The following SLC9C1 variants were observed in gnomAD, a reference collection of about 807,000 sequenced individuals.
SLC9C1 encodes the protein solute carrier family 9 member C1, also known as sodium/hydrogen exchanger 10.
A neutral mutation model predicts 140.9 loss-of-function variants in SLC9C1; 97 were observed. The ratio of observed to expected loss-of-function variants is 0.69; its 90% CI spans 0.58 to 0.82. SLC9C1 has a LOEUF of 0.82. Ranked by LOEUF, SLC9C1 falls within the 40% of genes least tolerant of loss-of-function variation. SLC9C1 has a pLI of 0.00. For missense variants in SLC9C1, 1,340 were observed against 1,389.3 expected, an observed-to-expected ratio of 0.96 and a Z score of 0.56; for synonymous variants, 440 against 442.6, an observed-to-expected ratio of 0.99 and a Z score of 0.07.
At chr3:112,285,362 C>T (rs570399277) in intron 2 of SLC9C1, among the ~76,000 whole-genome samples, 2 of 152,250 alleles carry the variant, frequency 1.3e-5, no homozygotes, top group Admixed American at 1.3e-4. Context: ...CCTCAGTCCC[C>T]CAAGTAGCTG....
At chr3:112,190,029 CTGTT>C (rs1423952839) in intron 20 of SLC9C1, among the ~76,000 whole-genome samples, 2 of 152,148 alleles carry the variant, frequency 1.3e-5, no homozygotes, top group South Asian at 2.1e-4. Context: ...ATTTGGCTCT[CTGTT>C]TGTCTGTTAT....
intron 6 of SLC9C1, among the ~76,000 whole-genome samples, chr3:112,274,301 T>A (rs1358426573): frequency 2.6e-5 from 4 of 152,074 alleles, no homozygotes; most frequent in Non-Finnish European, 5.9e-5. Context: ...TATTATAATA[T>A]ACATATATCA....
At chr3:112,185,225 G>A (rs1006029037) in intron 20 of SLC9C1, among the ~76,000 whole-genome samples, 2 of 151,528 alleles carry the variant, frequency 1.3e-5, no homozygotes, top group Non-Finnish European at 2.9e-5. Context: ...GACAGGCAAG[G>A]CCTTAAGTCC....
intron 4 of SLC9C1, 143 bp downstream of exon 4, chr3:112,278,586 C>G (rs2080277229): frequency 1.2e-6 from 1 of 821,522 alleles, no homozygotes; most frequent in East Asian, 3.2e-5. Context: ...GGCTTATTCA[C>G]TAAATGATGA....
Position 112,277,863 on chromosome 3 carries a change from G to A in SLC9C1, c.319-3C>T. On this transcript the variant is annotated splice_region_variant and splice_polypyrimidine_tract_variant and intron_variant, in intron 4 of 28. Transcript: ENST00000305815. ...CCGGGAATTGAAATTAAAAGTATCT[G>A]CAAAGAAATTTTACAATTAGAAAAA... The A allele has an allele frequency of 1.3e-6, 2 of 1,587,792 alleles. No individual in the cohort carries two copies. Among genetic ancestry groups the A allele is most frequent in the Non-Finnish European group, 1.7e-6 (2 of 1,170,828 alleles).
At position 112,151,262 on chromosome 3, in the gene SLC9C1, G is replaced by C. The variant is rs1379180658; in HGVS notation, c.3524+595C>G. On this transcript the variant is annotated intron_variant, in intron 28 of 28. Coordinates refer to ENST00000305815, the MANE Select transcript of SLC9C1 (RefSeq NM_183061.3). ...ATACACACACAAATATTTCCCCATA[G>C]ATACATTTTGAACAGTTAACTGTCG... is the stretch of plus-strand genomic sequence containing the variant. 3 of 491,532 alleles carry C rather than the reference G, an allele frequency of 6.1e-6. No individual in the cohort carries two copies. In the Admixed American group the frequency reaches 6.4e-5, roughly 10 times the overall value. The allele number at this position is 491,532 out of a possible 1,614,324, so 30.4% of individuals were successfully genotyped here. A position where few individuals can be genotyped will look rare whatever the true frequency, so the allele number is the denominator to read the frequency against.
At chr3:112,225,767 G>GT (rs71134807) in intron 13 of SLC9C1, among the ~76,000 whole-genome samples, 114,390 of 151,592 alleles carry the variant, frequency 0.75, 43,553 homozygotes, top group East Asian at 0.99. Context: ...ATGATCAGGA[G>GT]TAGTTATATA....
Position 112,284,989 on chromosome 3 carries a change from T to TTTC in SLC9C1, c.88+1714_88+1715insGAA, listed in dbSNP as rs1315609952. On this transcript the variant is annotated intron_variant, in intron 2 of 28. Coordinates refer to ENST00000305815, the MANE Select transcript of SLC9C1 (RefSeq NM_183061.3). ...TTAGAAAAAAATACAATTTTTCTTTTTTTTTTTTTTTTTTTGAGACAGAGT... is the reference window on the plus strand; with the variant it reads ...TTAGAAAAAAATACAATTTTTCTTTTTTCTTTTTTTTTTTTTTTGAGACAGAGT... Among the ~76,000 whole-genome samples, 120 of 136,874 alleles carry TTTC rather than the reference T, an allele frequency of 8.8e-4. 3 individuals carry two copies. In the East Asian group the frequency reaches 0.011, roughly 13 times the overall value. 89.8% of individuals were successfully genotyped at this position (136,874 alleles called of 152,430 possible).
intron 25 of SLC9C1, 62 bp from the exon 26 acceptor site, chr3:112,167,409 T>A: frequency 6.7e-7 from 1 of 1,481,820 alleles, no homozygotes; most frequent in Non-Finnish European, 9.0e-7. Flanking sequence ...AAAATTTACC[T>A]AGTAAGCTGC....
intron 23 of SLC9C1, among the ~76,000 whole-genome samples, chr3:112,170,147 A>C (rs888878827): frequency 7.9e-5 from 12 of 152,204 alleles, no homozygotes; most frequent in African/African-American, 2.9e-4. Context: ...CAAATGGAAC[A>C]TAATTGAACT....
chr3:112,264,879 T>G (rs539290795), intron 8 of SLC9C1, among the ~76,000 whole-genome samples: 5 of 152,108 alleles, frequency 3.3e-5, no homozygotes, highest in African/African-American at 1.2e-4. Context: ...AGAGGAGTGG[T>G]GGACATACTT....
chr3:112,286,740 C>T lies in SLC9C1; in HGVS notation c.52G>A (p.Val18Ile), dbSNP rs774538109. ...CTGATCAAAGACAATGTTAGAATGA[C>T]TTCAGGGAGGTCCTCAGTACTGAAA... Reference protein sequence around the residue: ...FFFSTEDLPEVILTLSLISSI... With the variant: ...FFFSTEDLPEIILTLSLISSI... Residue 18 changes from valine (V) to isoleucine (I), a missense_variant, in exon 2 of 29, where the codon GTC (valine) becomes ATC (isoleucine). Val to Ile is a conservative substitution (Grantham distance 29). Transcript: ENST00000305815. The T allele has an allele frequency of 9.3e-6, 15 of 1,613,054 alleles. No homozygotes were observed. The highest frequency in any genetic ancestry group is 1.3e-5 in the Non-Finnish European group (15 of 1,179,602).
chr3:112,231,265 C>G (rs1268901112), intron 13 of SLC9C1, 96 bp downstream of exon 13: 13 of 1,447,634 alleles, frequency 9.0e-6, no homozygotes, highest in Non-Finnish European at 1.2e-5. Flanking sequence ...TGTAAACAAT[C>G]TATTAAGTGA....
chr3:112,195,628 C>CT (rs994076639), intron 20 of SLC9C1, among the ~76,000 whole-genome samples: 43 of 151,976 alleles, frequency 2.8e-4, no homozygotes, highest in African/African-American at 1.0e-3. Context: ...ATTTTAGCTA[C>CT]TTTTTTTATG....
At chr3:112,231,144 C>CT (rs777019378) in intron 13 of SLC9C1, among the ~76,000 whole-genome samples, 44,140 of 142,374 alleles carry the variant, frequency 0.31, 6,588 homozygotes, top group East Asian at 0.35. Flanking sequence ...CTCTTTTTCT[C>CT]CCTTTCTTTC....
intron 26 of SLC9C1, among the ~76,000 whole-genome samples, chr3:112,166,053 G>A (rs1005520752): frequency 2.0e-4 from 11 of 55,668 alleles, no homozygotes; most frequent in Non-Finnish European, 4.1e-4. Flanking sequence ...CTCCGTGGTC[G>A]TAGGACCCTC....
intron 16 of SLC9C1, 60 bp downstream of exon 16, chr3:112,208,118 G>C: frequency 7.6e-7 from 1 of 1,317,458 alleles, no homozygotes; most frequent in Non-Finnish European, 1.0e-6. Context: ...GAAAAACAAG[G>C]CTAGGAAATC....
At chr3:112,279,320 T>C (rs548868810) in intron 3 of SLC9C1, among the ~76,000 whole-genome samples, 1 of 152,256 alleles carries the variant, frequency 6.6e-6, no homozygotes, top group Admixed American at 6.5e-5. Context: ...TTCATGAATG[T>C]TGGTATGGCT....
chr3:112,160,490 A>T (rs1312855727), intron 26 of SLC9C1, among the ~76,000 whole-genome samples: 1 of 140,882 alleles, frequency 7.1e-6, no homozygotes, highest in African/African-American at 2.7e-5. Context: ...TCATTTTTCA[A>T]TTCCCACTTA....
Sources: gnomAD v4.1 joint callset for allele counts (sites outside exome capture counted in the v4.1 genomes callset) on GRCh38, gnomAD v4.1.1 for gene constraint, MANE v1.5 for transcripts, NCBI Gene and HGNC (gene_info 2026-07-23, HGNC 2026-07-21) for gene names.